The following SMYD3 variants were observed in gnomAD, a reference collection of about 807,000 sequenced individuals.
SMYD3 encodes the protein SET and MYND domain containing 3, also known as histone-lysine N-methyltransferase SMYD3.
A neutral mutation model predicts 57.7 loss-of-function variants in SMYD3; 36 were observed. That is an observed-to-expected ratio of 0.62 (90% CI 0.48 to 0.82). The LOEUF (loss-of-function observed/expected upper bound fraction) is 0.82. Ranked by LOEUF, SMYD3 falls within the 40% of genes least tolerant of loss-of-function variation. The probability of loss-of-function intolerance (pLI) is 0.00; values close to 1 mark genes in which losing one functional copy is unlikely to be tolerated. For synonymous variants in SMYD3, 211 were observed against 195.0 expected, an observed-to-expected ratio of 1.08 and a Z score of -0.68; for missense variants, 515 against 538.8, an observed-to-expected ratio of 0.96 and a Z score of 0.44.
intron 5 of SMYD3, among the ~76,000 whole-genome samples, chr1:246,184,787 G>A (rs1384198183): frequency 6.6e-6 from 1 of 152,196 alleles, no homozygotes; most frequent in Admixed American, 6.5e-5. Flanking sequence ...AAGCCAGGAA[G>A]AGAGACCTCA....
intron 10 of SMYD3, among the ~76,000 whole-genome samples, chr1:245,849,815 G>A (rs1435035927): frequency 1.3e-5 from 2 of 151,982 alleles, no homozygotes; most frequent in Non-Finnish European, 2.9e-5. Flanking sequence ...ACCTCTCCCA[G>A]CTAATCTTCA....
Position 246,435,165 on chromosome 1 carries a change from G to C in SMYD3, c.164+71889C>G, listed in dbSNP as rs564071195. ...CAATAGACACTGGTGACTATTAAAG[G>C]AGAAGAGGAAAGGAGGAGGCAAGGA... On this transcript the variant is annotated intron_variant, in intron 1 of 11. Transcript: ENST00000490107. 3.3e-5 allele frequency among the ~76,000 whole-genome samples: 5 copies of C among 152,268 alleles called. No individual in the cohort carries two copies. The South Asian group carries it at 6.2e-4, about 19-fold the overall frequency.
intron 5 of SMYD3, among the ~76,000 whole-genome samples, chr1:246,000,266 T>C (rs1433297920): frequency 6.6e-6 from 1 of 152,164 alleles, no homozygotes; most frequent in Non-Finnish European, 1.5e-5. Flanking sequence ...GGCAAGATGA[T>C]GACACATGGC....
At chr1:246,309,718 G>A (rs1029606278) in intron 5 of SMYD3, among the ~76,000 whole-genome samples, 1 of 152,102 alleles carries the variant, frequency 6.6e-6, no homozygotes, top group Non-Finnish European at 1.5e-5. Context: ...TTGCCTTCAC[G>A]GCCAAGAGTC....
At chr1:246,080,067 G>A (rs1038760314) in intron 5 of SMYD3, among the ~76,000 whole-genome samples, 9 of 152,102 alleles carry the variant, frequency 5.9e-5, no homozygotes, top group South Asian at 2.1e-4. Context: ...ACCAAAACTC[G>A]ACTTTATTTA....
intron 2 of SMYD3, among the ~76,000 whole-genome samples, chr1:246,351,881 A>C (rs2065833198): frequency 6.6e-6 from 1 of 152,108 alleles, no homozygotes; most frequent in African/African-American, 2.4e-5. Flanking sequence ...CACGGCTATA[A>C]TCCCAGCACT....
intron 8 of SMYD3, among the ~76,000 whole-genome samples, chr1:245,909,080 GAA>G (rs1210861674): frequency 2.0e-5 from 3 of 151,958 alleles, no homozygotes; most frequent in Non-Finnish European, 4.4e-5. Context: ...GACTAAGAAA[GAA>G]AAAGACTCAA....
chr1:246,054,919 T>C (rs1331544460), intron 5 of SMYD3, among the ~76,000 whole-genome samples: 6 of 145,516 alleles, frequency 4.1e-5, no homozygotes, highest in Non-Finnish European at 8.9e-5. Context: ...CTCACGCCTG[T>C]AATCCCAGCA....
intron 8 of SMYD3, among the ~76,000 whole-genome samples, chr1:245,883,658 G>C (rs2052918159): frequency 6.6e-6 from 1 of 152,108 alleles, no homozygotes. Context: ...ATGGTTTAAA[G>C]CAGCCTTTAC....
chr1:246,231,746 G>C (rs1429648019), intron 5 of SMYD3, among the ~76,000 whole-genome samples: 1 of 152,254 alleles, frequency 6.6e-6, no homozygotes, highest in South Asian at 2.1e-4. Context: ...GATAATTACT[G>C]CTTTGGGTAC....
Position 246,099,880 on chromosome 1 carries a change from T to C in SMYD3, c.532-169943A>G, listed in dbSNP as rs181916166. Among the ~76,000 whole-genome samples the C allele has an allele frequency of 1.2e-3, 186 of 152,320 alleles. 1 individual carries two copies. Among genetic ancestry groups the C allele is most frequent in the African/African-American group, 4.3e-3 (180 of 41,576 alleles). ...TAACTGTTAACAGTACAATGACTAG[T>C]AAGTATTTATGGACAGCCCAGCACT... On this transcript the variant is annotated intron_variant, in intron 5 of 11. Coordinates refer to ENST00000490107, the MANE Select transcript of SMYD3 (RefSeq NM_001167740.2).
intron 8 of SMYD3, among the ~76,000 whole-genome samples, chr1:245,908,478 G>C (rs1380485217): frequency 6.6e-6 from 1 of 152,182 alleles, no homozygotes; most frequent in Non-Finnish European, 1.5e-5. Flanking sequence ...CTGTACCACA[G>C]AGGAATCCAG....
intron 1 of SMYD3, among the ~76,000 whole-genome samples, chr1:246,463,848 A>C (rs1193109442): frequency 6.6e-6 from 1 of 150,700 alleles, no homozygotes; most frequent in Non-Finnish European, 1.5e-5. Flanking sequence ...AAAAAAAAAA[A>C]AAAAAAAGAG....
intron 5 of SMYD3, among the ~76,000 whole-genome samples, chr1:246,257,250 T>A (rs2063911805): frequency 6.6e-6 from 1 of 152,196 alleles, no homozygotes. Flanking sequence ...ATAGTGACAG[T>A]GGGGTGTTGA....
At chr1:246,072,341 C>A (rs201307609) in intron 5 of SMYD3, among the ~76,000 whole-genome samples, 55 of 61,146 alleles carry the variant, frequency 9.0e-4, no homozygotes, top group African/African-American at 3.0e-3. Context: ...CTCACTGTCG[C>A]TGCATCGTGT....
At chr1:246,039,230 T>G (rs910476753) in intron 5 of SMYD3, among the ~76,000 whole-genome samples, 1 of 152,228 alleles carries the variant, frequency 6.6e-6, no homozygotes, top group African/African-American at 2.4e-5. Flanking sequence ...TCCTGGCAAT[T>G]GTAGTCGGTT....
chr1:246,287,380 A>G (rs1472247726), intron 5 of SMYD3, among the ~76,000 whole-genome samples: 1 of 152,218 alleles, frequency 6.6e-6, no homozygotes, highest in Non-Finnish European at 1.5e-5. Flanking sequence ...GTAAAAACCC[A>G]TGAATGTAAT....
intron 1 of SMYD3, among the ~76,000 whole-genome samples, chr1:246,480,179 G>C (rs1159761527): frequency 6.6e-6 from 1 of 152,114 alleles, no homozygotes; most frequent in Non-Finnish European, 1.5e-5. Context: ...TCACAGAGTT[G>C]TGTCTGCCTT....
intron 10 of SMYD3, among the ~76,000 whole-genome samples, chr1:245,817,740 T>C (rs867545181): frequency 0.012 from 1,808 of 151,956 alleles, 27 homozygotes; most frequent in South Asian, 0.043. Context: ...TCGAGAACTA[T>C]GTGAAGAATG....
Sources: gnomAD v4.1 joint callset for allele counts (sites outside exome capture counted in the v4.1 genomes callset) on GRCh38, gnomAD v4.1.1 for gene constraint, MANE v1.5 for transcripts, NCBI Gene and HGNC (gene_info 2026-07-23, HGNC 2026-07-21) for gene names.